The following CRPPA variants were observed in gnomAD, a reference collection of about 807,000 sequenced individuals.
CRPPA encodes CDP-L-ribitol pyrophosphorylase A, also known as D-ribitol-5-phosphate cytidylyltransferase.
A neutral mutation model predicts 52.0 loss-of-function variants in CRPPA; 43 were observed. The observed-to-expected ratio is 0.83, with a 90% CI of 0.65 to 1.07. The LOEUF (loss-of-function observed/expected upper bound fraction) is 1.07. Ranked by LOEUF, CRPPA falls within the 50% of genes least tolerant of loss-of-function variation. The pLI, the probability that CRPPA is intolerant of heterozygous loss-of-function variation, is 0.00. For missense variants in CRPPA, 629 were observed against 551.7 expected (o/e 1.14, Z -1.40); for synonymous variants, 250 against 203.5 (o/e 1.23, Z -1.94).
At chr7:16,222,950 T>C (rs1386215217) in intron 8 of CRPPA, among the ~76,000 whole-genome samples, 5 of 152,176 alleles carry the variant, frequency 3.3e-5, no homozygotes, top group South Asian at 2.1e-4. Context: ...TTTAGGAACA[T>C]TTAAAGTCCT....
At chr7:16,286,041 ATAAATAT>A (rs1784428959) in intron 5 of CRPPA, among the ~76,000 whole-genome samples, 39 of 12,308 alleles carry the variant, frequency 3.2e-3, no homozygotes, top group Non-Finnish European at 3.6e-3. Flanking sequence ...AAAAAAAAAT[ATAAATAT>A]ATATATATAT....
chr7:16,111,953 T>G (rs1389242669), intron 9 of CRPPA, among the ~76,000 whole-genome samples: 1 of 152,240 alleles, frequency 6.6e-6, no homozygotes, highest in East Asian at 1.9e-4. Context: ...GAGATGTATA[T>G]GTTAACTAGA....
intron 2 of CRPPA, among the ~76,000 whole-genome samples, chr7:16,381,263 CG>C (rs1374679021): frequency 6.6e-6 from 1 of 151,818 alleles, no homozygotes; most frequent in Non-Finnish European, 1.5e-5. Flanking sequence ...GTAGTCATTC[CG>C]GAGCAGGTTG....
chr7:16,182,092 A>C (rs1781422985), intron 9 of CRPPA, among the ~76,000 whole-genome samples: 1 of 152,074 alleles, frequency 6.6e-6, no homozygotes, highest in Non-Finnish European at 1.5e-5. Flanking sequence ...CATATGTAAT[A>C]CGTAGTCTGC....
intron 5 of CRPPA, among the ~76,000 whole-genome samples, chr7:16,295,946 C>T (rs374351096): frequency 2.6e-5 from 4 of 152,240 alleles, no homozygotes; most frequent in South Asian, 2.1e-4. Context: ...AAATTTCACT[C>T]ACAGTAGAAG....
chr7:16,380,268 C>T (rs376808985), intron 2 of CRPPA, among the ~76,000 whole-genome samples: 1 of 151,176 alleles, frequency 6.6e-6, no homozygotes, highest in African/African-American at 2.4e-5. Flanking sequence ...TTGTCTTTGG[C>T]TCTGTTTATA....
At chr7:16,110,473 G>A (rs1003825246) in intron 9 of CRPPA, among the ~76,000 whole-genome samples, 13 of 151,976 alleles carry the variant, frequency 8.6e-5, no homozygotes, top group Non-Finnish European at 1.3e-4. Flanking sequence ...AGGCAGCCAC[G>A]AGCGAAAAGA....
chr7:16,134,599 T>A (rs11772802), intron 9 of CRPPA, among the ~76,000 whole-genome samples: 1 of 152,162 alleles, frequency 6.6e-6, no homozygotes, highest in Non-Finnish European at 1.5e-5. Flanking sequence ...TGCATGAGGT[T>A]CAATGCCCCA....
intron 9 of CRPPA, among the ~76,000 whole-genome samples, chr7:16,186,175 A>G (rs867570232): frequency 6.6e-6 from 1 of 152,324 alleles, no homozygotes; most frequent in East Asian, 1.9e-4. Context: ...GATATTATGG[A>G]CTGAATGTAT....
At chr7:16,265,823 G>A (rs1464375042) in intron 6 of CRPPA, among the ~76,000 whole-genome samples, 2 of 152,114 alleles carry the variant, frequency 1.3e-5, no homozygotes, top group Admixed American at 1.3e-4. Flanking sequence ...GCACGGGCAG[G>A]TATTATCATC....
At chr7:16,155,118 C>T (rs1459317464) in intron 9 of CRPPA, among the ~76,000 whole-genome samples, 1 of 151,956 alleles carries the variant, frequency 6.6e-6, no homozygotes, top group Non-Finnish European at 1.5e-5. Context: ...CCACCCCAGG[C>T]CTCAAAATGA....
At chr7:16,189,557 TAA>T (rs1781567558) in intron 9 of CRPPA, among the ~76,000 whole-genome samples, 1 of 152,180 alleles carries the variant, frequency 6.6e-6, no homozygotes, top group Non-Finnish European at 1.5e-5. Flanking sequence ...AGCCAAAGGC[TAA>T]GTCTTACCAA....
chr7:16,258,235 G>C (rs1783696018), intron 8 of CRPPA, among the ~76,000 whole-genome samples, 155 bp downstream of exon 8: 1 of 152,038 alleles, frequency 6.6e-6, no homozygotes, highest in South Asian at 2.1e-4. Context: ...AGTCATAGAA[G>C]TCATAGCTAG....
rs571130777 is a variant in CRPPA, at chr7:16,237,313, G to C, written c.1119+21077C>G. On this transcript the variant is annotated intron_variant, in intron 8 of 9. Coordinates refer to ENST00000407010, the MANE Select transcript of CRPPA (RefSeq NM_001101426.4). The stretch of plus-strand genomic sequence containing the variant: ...CCAGAAATTTATTTCTCACAGTTCT[G>C]GAAGTTGGAAGTACAAGATCAGATT... 5 of 152,160 alleles carry C rather than the reference G, an allele frequency of 3.3e-5. No individual in the cohort carries two copies. In the South Asian group the frequency reaches 1.0e-3, roughly 32 times the overall value. The allele number at this position is 152,160 out of a possible 1,614,324, so 9.4% of individuals were successfully genotyped here. A position where few individuals can be genotyped will look rare whatever the true frequency, so the allele number is the denominator to read the frequency against.
At chr7:16,415,282 T>C (rs888544045) in intron 1 of CRPPA, among the ~76,000 whole-genome samples, 2 of 152,226 alleles carry the variant, frequency 1.3e-5, no homozygotes, top group Non-Finnish European at 2.9e-5. Flanking sequence ...TCCTTGATTT[T>C]AGAAGAATAG....
At chr7:16,400,071 C>G (rs1399172304) in intron 2 of CRPPA, among the ~76,000 whole-genome samples, 1 of 152,054 alleles carries the variant, frequency 6.6e-6, no homozygotes, top group Non-Finnish European at 1.5e-5. Flanking sequence ...ACGTGATCGG[C>G]AACGTGTATG....
chr7:16,184,948 G>C (rs879360097), intron 9 of CRPPA, among the ~76,000 whole-genome samples: 27 of 152,278 alleles, frequency 1.8e-4, no homozygotes, highest in Middle Eastern at 6.8e-3. Flanking sequence ...GATTTACAAT[G>C]TTGTTTTGGA....
intron 9 of CRPPA, among the ~76,000 whole-genome samples, chr7:16,188,099 T>C (rs1395679423): frequency 6.9e-6 from 1 of 144,868 alleles, no homozygotes; most frequent in African/African-American, 2.6e-5. Flanking sequence ...CAGGCTGGAG[T>C]GCAGTGGTGC....
At chr7:16,246,904 A>T (rs185577781) in intron 8 of CRPPA, among the ~76,000 whole-genome samples, 1 of 152,342 alleles carries the variant, frequency 6.6e-6, no homozygotes, top group East Asian at 1.9e-4. Context: ...ACTGCCTTCA[A>T]CTGAAAGTCA....
Sources: gnomAD v4.1 joint callset for allele counts (sites outside exome capture counted in the v4.1 genomes callset) on GRCh38, gnomAD v4.1.1 for gene constraint, MANE v1.5 for transcripts, NCBI Gene and HGNC (gene_info 2026-07-23, HGNC 2026-07-21) for gene names.